PBX1: variants seen among roughly 807,000 people sequenced by gnomAD.
PBX1 encodes the protein pre-B-cell leukemia transcription factor 1.
A neutral mutation model predicts 53.4 loss-of-function variants in PBX1; 6 were observed. The ratio of observed to expected loss-of-function variants is 0.11; its 90% CI spans 0.06 to 0.22. The LOEUF (loss-of-function observed/expected upper bound fraction) is 0.22, where lower values mean the gene tolerates loss of function less well. Ranked by LOEUF, PBX1 falls within the 10% of genes least tolerant of loss-of-function variation. The probability of loss-of-function intolerance (pLI) is 1.00; values close to 1 mark genes in which losing one functional copy is unlikely to be tolerated. For synonymous variants in PBX1, 204 were observed against 212.3 expected (o/e 0.96, Z 0.34); for missense variants, 251 against 551.4 (o/e 0.46, Z 5.46).
At chr1:164,582,027 C>T (rs1313681068) in intron 2 of PBX1, among the ~76,000 whole-genome samples, 1 of 151,674 alleles carries the variant, frequency 6.6e-6, no homozygotes, top group Non-Finnish European at 1.5e-5. Context: ...AGAAGCTTAC[C>T]AAAAGATGTG....
intron 2 of PBX1, among the ~76,000 whole-genome samples, chr1:164,766,913 A>G (rs1008692783): frequency 1.3e-5 from 2 of 151,832 alleles, no homozygotes; most frequent in African/African-American, 4.8e-5. Flanking sequence ...TATTTTTGGT[A>G]GAGACGGGGT....
chr1:164,705,095 T>TA (rs1249296562), intron 2 of PBX1, among the ~76,000 whole-genome samples: 2 of 152,186 alleles, frequency 1.3e-5, no homozygotes, highest in African/African-American at 4.8e-5. Context: ...TCCTTCATTA[T>TA]GGGGGCTGCC....
chr1:164,820,206 C>T (rs571065154), intron 7 of PBX1, 22 bp downstream of exon 7: 22 of 1,403,550 alleles, frequency 1.6e-5, no homozygotes, highest in East Asian at 6.8e-5. Context: ...GCCAATATGT[C>T]ACCAGGTGAA....
chr1:164,676,871 G>C (rs553165170), intron 2 of PBX1, among the ~76,000 whole-genome samples: 6 of 152,104 alleles, frequency 3.9e-5, no homozygotes, highest in Non-Finnish European at 7.3e-5. Context: ...AGGAATGACT[G>C]TTGGAATGTT....
At chr1:164,710,667 C>T (rs1686174) in intron 2 of PBX1, among the ~76,000 whole-genome samples, 32,912 of 151,910 alleles carry the variant, frequency 0.22, 4,009 homozygotes, top group South Asian at 0.48. Context: ...CGCCTTGGCC[C>T]CCCAAAGTGC....
At chr1:164,840,847 A>G (rs938664095) in intron 8 of PBX1, among the ~76,000 whole-genome samples, 2 of 152,162 alleles carry the variant, frequency 1.3e-5, no homozygotes, top group Admixed American at 6.5e-5. Context: ...CTAGGTGTAC[A>G]CAGCTATTTA....
intron 1 of PBX1, among the ~76,000 whole-genome samples, chr1:164,562,493 A>ACACACACC (rs979260932): frequency 6.9e-6 from 1 of 145,290 alleles, no homozygotes; most frequent in African/African-American, 2.6e-5. Context: ...ACACACACAC[A>ACACACACC]CCAGGTAAAT....
chr1:164,567,246 G>T (rs1314999861), intron 2 of PBX1, among the ~76,000 whole-genome samples: 1 of 152,076 alleles, frequency 6.6e-6, no homozygotes, highest in African/African-American at 2.4e-5. Flanking sequence ...TAGAGATTGC[G>T]GGAAGAGAAT....
intron 2 of PBX1, among the ~76,000 whole-genome samples, chr1:164,616,450 G>A (rs1557893255): frequency 6.6e-6 from 1 of 152,118 alleles, no homozygotes; most frequent in Non-Finnish European, 1.5e-5. Context: ...CAATTACTTA[G>A]CATTATCTTG....
intron 2 of PBX1, among the ~76,000 whole-genome samples, chr1:164,673,401 CCA>C (rs1336843018): frequency 6.6e-6 from 1 of 151,928 alleles, no homozygotes; most frequent in African/African-American, 2.4e-5. Context: ...TCAGGGGCCA[CCA>C]CGTCTCTCCG....
chr1:164,878,142 G>T lies in PBX1; in HGVS notation n.258-21046G>T, dbSNP rs75128043. ...TAGCTTTGGACTCAGTTTAGAGTTC[G>T]AATTCCAGTTCTGTCATTTGTTATC... On this transcript the variant is annotated intron_variant and non_coding_transcript_variant, in intron 2 of 2. Coordinates refer to the PBX1 transcript ENST00000558796. Among the ~76,000 whole-genome samples the T allele has an allele frequency of 1.4e-3, 215 of 152,182 alleles. 1 individual carries two copies. Among genetic ancestry groups the T allele is most frequent in the Non-Finnish European group, 2.1e-3 (145 of 68,002 alleles).
At chr1:164,767,799 A>G (rs1667142679) in intron 2 of PBX1, among the ~76,000 whole-genome samples, 2 of 152,244 alleles carry the variant, frequency 1.3e-5, no homozygotes, top group Non-Finnish European at 1.5e-5. Context: ...TCTGGCACAG[A>G]AAAACAGATG....
At chr1:164,807,769 A>G in intron 5 of PBX1, 92 bp downstream of exon 5, 1 of 1,405,048 alleles carries the variant, frequency 7.1e-7, no homozygotes, top group Non-Finnish European at 9.8e-7. Flanking sequence ...CTGGACATTC[A>G]TGCCTTGCAA....
intron 2 of PBX1, among the ~76,000 whole-genome samples, chr1:164,739,178 C>T (rs926350229): frequency 3.9e-5 from 6 of 152,108 alleles, no homozygotes; most frequent in Non-Finnish European, 7.3e-5. Context: ...TCTTAAATAA[C>T]ACATAAGGAT....
In PBX1 at chr1:164,625,897, A is replaced by G. The variant is rs183319857; in HGVS notation, c.265+62586A>G. On this transcript the variant is annotated intron_variant, in intron 2 of 8. Coordinates refer to ENST00000420696, the MANE Select transcript of PBX1 (RefSeq NM_002585.4). ...TGCCTTTCTGTAAAATCTATTCTGC[A>G]TAATAGGTCTTTGTTTCTGGATTTG... 132 of 1,017,470 alleles carry G rather than the reference A, an allele frequency of 1.3e-4. No individual in the cohort carries two copies. In the East Asian group the frequency reaches 8.0e-3, roughly 61 times the overall value. 63.0% of individuals were successfully genotyped at this position (1,017,470 alleles called of 1,614,324 possible).
chr1:164,806,266 G>A (rs545292866), intron 4 of PBX1, among the ~76,000 whole-genome samples: 3 of 152,116 alleles, frequency 2.0e-5, no homozygotes, highest in Non-Finnish European at 2.9e-5. Flanking sequence ...AGTTCAATTA[G>A]CACTTTTTTT....
chr1:164,775,942 T>G (rs547119858), intron 2 of PBX1, among the ~76,000 whole-genome samples: 3 of 152,290 alleles, frequency 2.0e-5, no homozygotes, highest in African/African-American at 7.2e-5. Context: ...AAGGCTTAAT[T>G]GTGATGATAT....
intron 2 of PBX1, among the ~76,000 whole-genome samples, chr1:164,565,047 G>T (rs1653334650): frequency 6.6e-6 from 1 of 152,032 alleles, no homozygotes; most frequent in Admixed American, 6.6e-5. Flanking sequence ...TTGAAAGGAA[G>T]CCTGTCAGGG....
At chr1:164,637,277 C>T (rs897533996) in intron 2 of PBX1, among the ~76,000 whole-genome samples, 4 of 152,090 alleles carry the variant, frequency 2.6e-5, no homozygotes, top group Non-Finnish European at 5.9e-5. Context: ...TAGGCAGAGC[C>T]GAACTCTATA....
Sources: allele counts gnomAD v4.1 joint callset (sites outside exome capture counted in the v4.1 genomes callset), GRCh38; gene constraint gnomAD v4.1.1; transcripts MANE v1.5; gene names NCBI Gene and HGNC (gene_info 2026-07-23, HGNC 2026-07-21).